Variants in SH3D19 observed in about 807,000 individuals in gnomAD.
The protein encoded by SH3D19 is SH3 domain containing 19.
In SH3D19, 58 loss-of-function variants were observed where a neutral mutation model predicts 112.1. That is an observed-to-expected ratio of 0.52 (90% CI 0.42 to 0.64). SH3D19 has a LOEUF of 0.64. Ranked by LOEUF, SH3D19 falls within the 30% of genes least tolerant of loss-of-function variation. SH3D19 has a pLI of 0.00. For synonymous variants in SH3D19, 391 were observed against 448.5 expected (o/e 0.87, Z 1.62); for missense variants, 1,090 against 1,263.4 (o/e 0.86, Z 2.08).
At chr4:151,150,652 T>C (rs1754890396) in intron 9 of SH3D19, among the ~76,000 whole-genome samples, 1 of 151,980 alleles carries the variant, frequency 6.6e-6, no homozygotes, top group Admixed American at 6.6e-5. Context: ...AAAAAGAGTT[T>C]CGTAGAAAAG....
intron 12 of SH3D19, 70 bp from the exon 13 acceptor site, chr4:151,139,917 C>G (rs889131659): frequency 5.4e-6 from 8 of 1,474,030 alleles, no homozygotes; most frequent in Non-Finnish European, 7.5e-6. Context: ...CACTCTGAGA[C>G]CAATTTTTTT....
chr4:151,139,527 G>GTCTC (rs150271051), intron 13 of SH3D19, among the ~76,000 whole-genome samples: 1 of 151,986 alleles, frequency 6.6e-6, no homozygotes, highest in Non-Finnish European at 1.5e-5. Flanking sequence ...GTAAGGGAAA[G>GTCTC]TCTCTCTCTC....
chr4:151,227,710 A>C (rs1769226572), intron 1 of SH3D19: 1 of 980,982 alleles, frequency 1.0e-6, no homozygotes, highest in Non-Finnish European at 1.2e-6. Context: ...GTAAAGCCAG[A>C]AACTGAATAC....
intron 1 of SH3D19, among the ~76,000 whole-genome samples, chr4:151,270,630 A>C (rs1580366848): frequency 7.2e-6 from 1 of 137,962 alleles, no homozygotes; most frequent in Non-Finnish European, 1.6e-5. Flanking sequence ...CAGTAGGTTT[A>C]TAACAGCACC....
At chr4:151,197,099 G>T (rs1763582941) in intron 2 of SH3D19, among the ~76,000 whole-genome samples, 1 of 152,110 alleles carries the variant, frequency 6.6e-6, no homozygotes, top group African/African-American at 2.4e-5. Flanking sequence ...ATTCCTTAAA[G>T]AACTAAAAGT....
intron 19 of SH3D19, among the ~76,000 whole-genome samples, chr4:151,123,545 C>T (rs1319965083): frequency 6.6e-6 from 1 of 152,164 alleles, no homozygotes; most frequent in Non-Finnish European, 1.5e-5. Context: ...TCACTGCAAC[C>T]TCTGCCTCCC....
At chr4:151,134,856 G>GAATA (rs1249419475) in intron 15 of SH3D19, among the ~76,000 whole-genome samples, 2 of 152,094 alleles carry the variant, frequency 1.3e-5, no homozygotes, top group African/African-American at 4.8e-5. Flanking sequence ...TTAAAATAAA[G>GAATA]AATAAATAAA....
chr4:151,126,172 C>T (rs1749276980), intron 19 of SH3D19, among the ~76,000 whole-genome samples: 1 of 152,278 alleles, frequency 6.6e-6, no homozygotes, highest in South Asian at 2.1e-4. Context: ...GATCCTCCTG[C>T]CTTGACTTCC....
At position 151,120,836 on chromosome 4, in the gene SH3D19, A is replaced by G. The variant is rs1403390863; in HGVS notation, c.*1255T>C. On this transcript the variant is annotated 3_prime_UTR_variant, in exon 20 of 20. Transcript: ENST00000604030. ...TTCTCAAAAACAGAAGAAAGTCATG[A>G]CCATTGTTGGGAAAGTGTTTTACAT... 6.6e-6 allele frequency: 1 copy of G among 152,624 alleles called. No homozygotes were observed. Among genetic ancestry groups the G allele is most frequent in the East Asian group, 1.9e-4 (1 of 5,202 alleles). 9.5% of individuals were successfully genotyped at this position (152,624 alleles called of 1,614,324 possible).
At chr4:151,173,812 T>C (rs1690516162) in intron 7 of SH3D19, among the ~76,000 whole-genome samples, 3 of 152,358 alleles carry the variant, frequency 2.0e-5, no homozygotes, top group Admixed American at 6.5e-5. Context: ...CAGTGACAGT[T>C]AAGCTTTTGA....
chr4:151,289,162 C>G (rs61693994), intron 1 of SH3D19, among the ~76,000 whole-genome samples: 9 of 152,122 alleles, frequency 5.9e-5, no homozygotes, highest in Non-Finnish European at 8.8e-5. Flanking sequence ...ACAAATGATG[C>G]TGGGACAAGT....
intron 1 of SH3D19, among the ~76,000 whole-genome samples, chr4:151,232,481 T>C (rs1561385963): frequency 6.6e-6 from 1 of 152,222 alleles, no homozygotes; most frequent in Non-Finnish European, 1.5e-5. Context: ...AAATGTCAGC[T>C]GCCGTCATGT....
Position 151,175,309 on chromosome 4 carries a change from C to T in SH3D19, c.895G>A (p.Val299Met). Residue 299 changes from valine (V) to methionine (M), a missense_variant, in exon 7 of 20, where the codon GTG becomes ATG. By Grantham distance (21) the Val-to-Met change is conservative (BLOSUM62 1). Transcript: ENST00000604030. ...SQNSIVSRIK[V>M]FEGQTNIETS... is the part of the protein sequence containing the mutation. The stretch of plus-strand genomic sequence containing the variant: ...TCTATGTTTGTCTGACCCTCAAACA[C>T]TTTAATTCTGGAAACAATACTATTT... 6.2e-7 allele frequency: 1 copy of T among 1,613,906 alleles called. No individual in the cohort carries two copies.
chr4:151,128,705 A>G (rs1749952921), intron 17 of SH3D19, among the ~76,000 whole-genome samples: 1 of 152,186 alleles, frequency 6.6e-6, no homozygotes, highest in African/African-American at 2.4e-5. Context: ...CAGTGGCAGA[A>G]TCATAGCTCA....
intron 2 of SH3D19, among the ~76,000 whole-genome samples, chr4:151,202,514 T>C (rs1764538615): frequency 6.6e-6 from 1 of 152,232 alleles, no homozygotes; most frequent in Non-Finnish European, 1.5e-5. Flanking sequence ...TTAGTTGCAC[T>C]AAAGATGATC....
Position 151,128,439 on chromosome 4 carries a change from A to G in SH3D19, c.2743-83T>C, listed in dbSNP as rs548188693. The stretch of plus-strand genomic sequence containing the variant: ...TACAAAGCTTAAAAAGTAGTGGGGA[A>G]AAAAAAACTAAGGGGTCTTAAGATT... On this transcript the variant is annotated intron_variant, in intron 17 of 19. Transcript: ENST00000604030. 2.1e-5 allele frequency: 25 copies of G among 1,171,070 alleles called. No homozygotes were observed. The African/African-American group carries it at 3.0e-4, about 14-fold the overall frequency. 72.5% of individuals were successfully genotyped at this position (1,171,070 alleles called of 1,614,324 possible). A position where few individuals can be genotyped will look rare whatever the true frequency, so the allele number is the denominator to read the frequency against.
intron 19 of SH3D19, among the ~76,000 whole-genome samples, chr4:151,125,826 C>T (rs1439254648): frequency 1.2e-4 from 13 of 108,108 alleles, no homozygotes; most frequent in Admixed American, 1.2e-3. Flanking sequence ...GGCGACAGAG[C>T]GAGACTCCAT....
chr4:151,202,449 G>A (rs1764531449), intron 2 of SH3D19, among the ~76,000 whole-genome samples: 1 of 152,236 alleles, frequency 6.6e-6, no homozygotes, highest in South Asian at 2.1e-4. Flanking sequence ...AGCTAGTCCA[G>A]TGCTGGCATT....
intron 2 of SH3D19, among the ~76,000 whole-genome samples, chr4:151,195,071 T>TAA (rs35607961): frequency 1.2e-3 from 142 of 123,330 alleles, no homozygotes; most frequent in Admixed American, 1.7e-3. Context: ...AAGACCATCT[T>TAA]AAAAAAAAAA....
Sources: allele counts gnomAD v4.1 joint callset (sites outside exome capture counted in the v4.1 genomes callset), GRCh38; gene constraint gnomAD v4.1.1; transcripts MANE v1.5; gene names NCBI Gene and HGNC (gene_info 2026-07-23, HGNC 2026-07-21).